Variants in IGSF21 observed in about 807,000 individuals in gnomAD.
The protein encoded by IGSF21 is immunoglobin superfamily member 21.
In IGSF21, 28 loss-of-function variants were observed where a neutral mutation model predicts 46.8. That is an observed-to-expected ratio of 0.60 (90% CI 0.44 to 0.82). The LOEUF is 0.82. Among genes scored for constraint, IGSF21 ranks in the 40% least tolerant of loss-of-function variants. The pLI is 0.00. For missense variants in IGSF21, 624 were observed against 665.5 expected, an observed-to-expected ratio of 0.94 and a Z score of 0.69; for synonymous variants, 284 against 273.6, an observed-to-expected ratio of 1.04 and a Z score of -0.38.
chr1:18,224,122 A>G (rs2084538363), intron 1 of IGSF21, among the ~76,000 whole-genome samples: 1 of 152,162 alleles, frequency 6.6e-6, no homozygotes, highest in Non-Finnish European at 1.5e-5. Context: ...GGATGGTGCA[A>G]TGAGACGGTG....
chr1:18,279,298 C>A (rs1223514941), intron 2 of IGSF21, among the ~76,000 whole-genome samples: 1 of 152,190 alleles, frequency 6.6e-6, no homozygotes, highest in Non-Finnish European at 1.5e-5. Flanking sequence ...AGGTATATGG[C>A]TCCTGACAGT....
chr1:18,115,776 G>A (rs543405789), intron 1 of IGSF21: 47 of 150,242 alleles, frequency 3.1e-4, no homozygotes, highest in Admixed American at 1.3e-3. Flanking sequence ...GAAGGAAGGA[G>A]GGAGGAAAGG....
intron 1 of IGSF21, among the ~76,000 whole-genome samples, chr1:18,199,558 G>C (rs141307499): frequency 2.2e-3 from 328 of 152,174 alleles, no homozygotes; most frequent in African/African-American, 6.9e-3. Flanking sequence ...TCCCAGCCCT[G>C]GTGACTCCAC....
At chr1:18,349,823 C>A (rs1448804906) in intron 4 of IGSF21, among the ~76,000 whole-genome samples, 1 of 152,044 alleles carries the variant, frequency 6.6e-6, no homozygotes. Context: ...CTTTGGAAGG[C>A]CGATATGGGA....
At chr1:18,344,615 T>C (rs1193142163) in intron 4 of IGSF21, among the ~76,000 whole-genome samples, 1 of 151,902 alleles carries the variant, frequency 6.6e-6, no homozygotes, top group Non-Finnish European at 1.5e-5. Context: ...AGGACAGCTG[T>C]GGGGGAAGTG....
At position 18,158,313 on chromosome 1, in the gene IGSF21, G is replaced by A. The variant is rs150439668; in HGVS notation, c.70+50115G>A. Among the ~76,000 whole-genome samples, 1,004 of 152,342 alleles carry A rather than the reference G, an allele frequency of 6.6e-3. 10 individuals carry two copies. Among genetic ancestry groups the A allele is most frequent in the African/African-American group, 0.022 (919 of 41,570 alleles). On this transcript the variant is annotated intron_variant, in intron 1 of 9. Coordinates refer to ENST00000251296, the MANE Select transcript of IGSF21 (RefSeq NM_032880.5). ...CACAGTGCACCCTCGGCATTAATTA[G>A]TGTTGCTGCTGTTAAGTGTTTCTTC...
At chr1:18,268,135 C>A (rs568998671) in intron 2 of IGSF21, among the ~76,000 whole-genome samples, 1 of 152,374 alleles carries the variant, frequency 6.6e-6, no homozygotes, top group African/African-American at 2.4e-5. Flanking sequence ...GGCCTCTCTA[C>A]AAATCATGTT....
chr1:18,341,141 T>G (rs534059154), intron 4 of IGSF21, among the ~76,000 whole-genome samples: 76 of 150,808 alleles, frequency 5.0e-4, no homozygotes, highest in Admixed American at 1.6e-3. Flanking sequence ...TTTTTTTTTT[T>G]TGTGTGTGTG....
intron 1 of IGSF21, among the ~76,000 whole-genome samples, chr1:18,136,286 G>T (rs1210039129): frequency 3.3e-5 from 5 of 152,026 alleles, no homozygotes; most frequent in African/African-American, 7.2e-5. Context: ...GTCAATTTTG[G>T]CTTTTGTTGC....
chr1:18,316,677 T>C (rs915344315), intron 3 of IGSF21, among the ~76,000 whole-genome samples: 10 of 152,176 alleles, frequency 6.6e-5, no homozygotes, highest in African/African-American at 2.4e-4. Flanking sequence ...CTCCATTCTT[T>C]TTGTGTAACT....
intron 3 of IGSF21, among the ~76,000 whole-genome samples, chr1:18,314,288 T>TG (rs1268455768): frequency 7.8e-6 from 1 of 127,940 alleles, no homozygotes; most frequent in East Asian, 2.0e-4. Context: ...CCCAGTGGTT[T>TG]TTTTTTTTTT....
intron 2 of IGSF21, among the ~76,000 whole-genome samples, chr1:18,260,625 C>T (rs78044800): frequency 6.6e-5 from 10 of 152,238 alleles, no homozygotes; most frequent in East Asian, 1.9e-4. Flanking sequence ...TGGTGACTTC[C>T]GGGTCATCAG....
intron 2 of IGSF21, among the ~76,000 whole-genome samples, chr1:18,250,098 GCTCCCTCCCTCCCTCC>G (rs781326742): frequency 1.3e-4 from 8 of 59,882 alleles, no homozygotes; most frequent in Admixed American, 1.6e-4. Context: ...TCCCTCCCTC[GCTCCCTCCCTCCCTCC>G]CTCCCTCCCT....
In IGSF21 at chr1:18,348,084, G is replaced by A. The variant is rs186466083; in HGVS notation, c.424+13074G>A. 4.5e-4 allele frequency among the ~76,000 whole-genome samples: 69 copies of A among 152,318 alleles called. 2 individuals are homozygous for A. Among genetic ancestry groups the A allele is most frequent in the Admixed American group, 2.3e-3 (35 of 15,310 alleles). ...TTCATTTAATCCTCACAATCCTTAG[G>A]AGATGGGTATTTCTAGTATTCTTAT... On this transcript the variant is annotated intron_variant, in intron 4 of 9. Transcript: ENST00000251296.
intron 2 of IGSF21, among the ~76,000 whole-genome samples, chr1:18,273,473 TTTC>T (rs1557618486): frequency 1.6e-3 from 109 of 68,584 alleles, no homozygotes; most frequent in East Asian, 0.011. Flanking sequence ...TCTTTCTTTC[TTTC>T]TTTCTTTCTT....
Position 18,290,613 on chromosome 1 carries a change from A to G in IGSF21, c.184-1253A>G, listed in dbSNP as rs1030142976. Among the ~76,000 whole-genome samples the G allele has an allele frequency of 6.6e-6, 1 of 152,162 alleles. No homozygotes were observed. Among genetic ancestry groups the G allele is most frequent in the African/African-American group, 2.4e-5 (1 of 41,442 alleles). On this transcript the variant is annotated intron_variant, in intron 2 of 9. Transcript: ENST00000251296. This position sits in a 1 kb window ranked among gnomAD's most constrained non-coding sequence, Gnocchi z 4.2. ...GGCCAGATGCACGGAGTCTCTCCTAAACCAGTAGCAACACCACCTAGGTCA... is the reference window on the plus strand; with the variant it reads ...GGCCAGATGCACGGAGTCTCTCCTAGACCAGTAGCAACACCACCTAGGTCA...
chr1:18,265,360 T>C (rs2084980516), intron 2 of IGSF21, among the ~76,000 whole-genome samples: 1 of 152,170 alleles, frequency 6.6e-6, no homozygotes, highest in African/African-American at 2.4e-5. Flanking sequence ...CACATCTGGC[T>C]CCAAGGGTTC....
intron 3 of IGSF21, among the ~76,000 whole-genome samples, chr1:18,323,239 C>T (rs614593): frequency 1.3e-5 from 2 of 152,196 alleles, no homozygotes; most frequent in Non-Finnish European, 2.9e-5. Context: ...GGGTGTCCCT[C>T]TAGTCAGGAG....
intron 1 of IGSF21, among the ~76,000 whole-genome samples, chr1:18,208,304 T>C (rs1223178175): frequency 6.7e-6 from 1 of 148,412 alleles, no homozygotes; most frequent in African/African-American, 2.5e-5. Flanking sequence ...CAATTTTTCC[T>C]TCCCCTGGGA....
Sources: allele counts gnomAD v4.1 joint callset (sites outside exome capture counted in the v4.1 genomes callset), GRCh38; gene constraint gnomAD v4.1.1; non-coding constraint Gnocchi (gnomAD v3.1); transcripts MANE v1.5; gene names NCBI Gene and HGNC (gene_info 2026-07-23, HGNC 2026-07-21).